EPHA6: variants seen among roughly 807,000 people sequenced by gnomAD.
EPHA6 encodes EPH receptor A6, also known as ephrin type-A receptor 6.
EPHA6 carries 50 observed loss-of-function variants against 112.0 expected under a neutral mutation model. The ratio of observed to expected loss-of-function variants is 0.45; its 90% CI spans 0.36 to 0.56. EPHA6 has a LOEUF of 0.56. Among genes scored for constraint, EPHA6 ranks in the 20% least tolerant of loss-of-function variants. EPHA6 has a pLI of 0.00. For synonymous variants in EPHA6, 529 were observed against 490.7 expected (o/e 1.08, Z -1.03); for missense variants, 1,280 against 1,417.4 (o/e 0.90, Z 1.56).
At chr3:97,537,078 G>A (rs2092774479) in intron 11 of EPHA6, among the ~76,000 whole-genome samples, 1 of 151,930 alleles carries the variant, frequency 6.6e-6, no homozygotes, top group Admixed American at 6.6e-5. Context: ...AAAAGTTCAG[G>A]AAGAAATAAG....
intron 3 of EPHA6, among the ~76,000 whole-genome samples, chr3:97,113,487 T>C (rs780994432): frequency 2.0e-5 from 3 of 152,100 alleles, no homozygotes; most frequent in Non-Finnish European, 4.4e-5. Context: ...AGTTGTGGGC[T>C]ACAGGCTCCA....
chr3:97,095,416 C>A (rs11926444), intron 3 of EPHA6, among the ~76,000 whole-genome samples: 41,344 of 151,648 alleles, frequency 0.27, 9,470 homozygotes, highest in African/African-American at 0.62. Context: ...CAAACTGCAC[C>A]TTGTGCACAT....
intron 6 of EPHA6, among the ~76,000 whole-genome samples, chr3:97,422,994 G>A (rs1559986949): frequency 6.6e-6 from 1 of 152,106 alleles, no homozygotes; most frequent in African/African-American, 2.4e-5. Flanking sequence ...GGCATTGAAG[G>A]AACATACCTG....
At chr3:97,471,612 G>A (rs1275573503) in intron 7 of EPHA6, among the ~76,000 whole-genome samples, 1 of 151,674 alleles carries the variant, frequency 6.6e-6, no homozygotes, top group Non-Finnish European at 1.5e-5. Context: ...AGCACACAGA[G>A]TAATTGGATT....
chr3:97,506,449 C>T (rs1475387413), intron 10 of EPHA6, among the ~76,000 whole-genome samples: 3 of 152,184 alleles, frequency 2.0e-5, no homozygotes, highest in Non-Finnish European at 4.4e-5. Context: ...AATCCTTTCC[C>T]CATTGCTTGT....
At position 97,294,786 on chromosome 3, in the gene EPHA6, C is replaced by G. The variant is rs76608976; in HGVS notation, c.1606+50499C>G. On this transcript the variant is annotated intron_variant, in intron 5 of 17. Coordinates refer to ENST00000389672, the MANE Select transcript of EPHA6 (RefSeq NM_001080448.3). ...CTTAAGCATTTATTATCTGGTTGGT[C>G]TAGTAGTAGTGAATTCCCTTAGTCT... Among the ~76,000 whole-genome samples, 569 of 152,150 alleles carry G rather than the reference C, an allele frequency of 3.7e-3. 3 individuals carry two copies. Among genetic ancestry groups the G allele is most frequent in the African/African-American group, 0.012 (509 of 41,524 alleles).
chr3:97,109,482 A>G (rs1192687098), intron 3 of EPHA6, among the ~76,000 whole-genome samples: 1 of 152,186 alleles, frequency 6.6e-6, no homozygotes, highest in African/African-American at 2.4e-5. Context: ...TTATAGCTTC[A>G]TGAAGACTTT....
At chr3:97,680,569 C>A (rs956034536) in intron 14 of EPHA6, among the ~76,000 whole-genome samples, 1 of 152,156 alleles carries the variant, frequency 6.6e-6, no homozygotes, top group Non-Finnish European at 1.5e-5. Flanking sequence ...AGTTTGCCAA[C>A]CTCTCAGTAA....
At chr3:97,494,164 T>C (rs976617405) in intron 10 of EPHA6, among the ~76,000 whole-genome samples, 2 of 152,194 alleles carry the variant, frequency 1.3e-5, no homozygotes, top group African/African-American at 4.8e-5. Context: ...ACAACTTTTA[T>C]TAACATCAAT....
At chr3:96,916,930 G>A (rs773094571) in intron 2 of EPHA6, among the ~76,000 whole-genome samples, 3 of 152,092 alleles carry the variant, frequency 2.0e-5, no homozygotes, top group Non-Finnish European at 1.5e-5. Flanking sequence ...TCTAATGCCT[G>A]GTAATGTCCA....
chr3:97,450,753 G>A (rs767616491), intron 7 of EPHA6, among the ~76,000 whole-genome samples: 9 of 152,032 alleles, frequency 5.9e-5, no homozygotes, highest in Non-Finnish European at 1.2e-4. Flanking sequence ...ACTCATATGA[G>A]CCTCTGGGGA....
At chr3:97,658,087 A>G (rs1455340645) in intron 14 of EPHA6, among the ~76,000 whole-genome samples, 1 of 151,826 alleles carries the variant, frequency 6.6e-6, no homozygotes, top group Non-Finnish European at 1.5e-5. Context: ...CATACTGTAC[A>G]ACATAAATTA....
At chr3:96,850,445 C>T (rs1049074746) in intron 1 of EPHA6, among the ~76,000 whole-genome samples, 2 of 152,092 alleles carry the variant, frequency 1.3e-5, no homozygotes, top group Non-Finnish European at 2.9e-5. Context: ...GCTCAGATGG[C>T]TTCCTGGTGG....
At chr3:97,296,795 C>T (rs1334555156) in intron 5 of EPHA6, among the ~76,000 whole-genome samples, 2 of 152,246 alleles carry the variant, frequency 1.3e-5, no homozygotes, top group East Asian at 3.9e-4. Context: ...GCAGCCTACT[C>T]AGTGCACTGC....
intron 3 of EPHA6, among the ~76,000 whole-genome samples, chr3:97,179,750 TC>T (rs2076936709): frequency 6.6e-6 from 1 of 151,138 alleles, no homozygotes; most frequent in Non-Finnish European, 1.5e-5. Flanking sequence ...TCTCTCTCTC[TC>T]TCTCTCTCTC....
intron 1 of EPHA6, among the ~76,000 whole-genome samples, chr3:96,863,818 A>T (rs2036146677): frequency 6.6e-6 from 1 of 152,068 alleles, no homozygotes; most frequent in Non-Finnish European, 1.5e-5. Flanking sequence ...AGCTGTTGAT[A>T]GATTTCAATA....
At chr3:97,452,446 G>T (rs76141573) in intron 7 of EPHA6, among the ~76,000 whole-genome samples, 3 of 151,594 alleles carry the variant, frequency 2.0e-5, no homozygotes, top group South Asian at 2.1e-4. Context: ...TTTAATGTTC[G>T]CATTTTATGT....
chr3:97,626,033 T>C (rs78014403), intron 13 of EPHA6, among the ~76,000 whole-genome samples: 2,936 of 151,832 alleles, frequency 0.019, 53 homozygotes, highest in Non-Finnish European at 0.029. Flanking sequence ...GGACAAACTT[T>C]CCTTTAAGGT....
intron 2 of EPHA6, among the ~76,000 whole-genome samples, chr3:96,938,450 A>G (rs1195762641): frequency 1.3e-5 from 2 of 152,072 alleles, no homozygotes; most frequent in East Asian, 1.9e-4. Context: ...ATTTTTGTAC[A>G]TTGATTTTGT....
Sources: allele counts gnomAD v4.1 joint callset (sites outside exome capture counted in the v4.1 genomes callset), GRCh38; gene constraint gnomAD v4.1.1; transcripts MANE v1.5; gene names NCBI Gene and HGNC (gene_info 2026-07-23, HGNC 2026-07-21).